Variants in CNGB3 observed in about 807,000 individuals in gnomAD.
CNGB3 encodes cyclic nucleotide gated channel subunit beta 3, also known as cyclic nucleotide-gated channel beta-3.
Under a neutral mutation model 92.8 loss-of-function variants are expected in CNGB3, and 86 were observed. The ratio of observed to expected loss-of-function variants is 0.93; its 90% CI spans 0.78 to 1.11. The LOEUF (loss-of-function observed/expected upper bound fraction) is 1.11. Among genes scored for constraint, CNGB3 ranks in the 50% least tolerant of loss-of-function variants. The probability of loss-of-function intolerance (pLI) is 0.00; values close to 1 mark genes in which losing one functional copy is unlikely to be tolerated. For missense variants in CNGB3, 1,026 were observed against 956.8 expected (o/e 1.07, Z -0.95); for synonymous variants, 333 against 332.7 (o/e 1.00, Z -0.01).
rs148334504 is a variant in CNGB3 at position 86,710,054 on chromosome 8, A to C, written c.338+16477T>G. On this transcript the variant is annotated intron_variant, in intron 3 of 17. Transcript: ENST00000320005. The stretch of plus-strand genomic sequence containing the variant: ...CTCTGGCAAATGAGTTAAGCCCCAT[A>C]CCTTGGTTTGCCAACTCACAAATCT... Among the ~76,000 whole-genome samples the C allele has an allele frequency of 6.8e-4, 103 of 152,262 alleles. 1 individual carries two copies. The highest frequency in any genetic ancestry group is 2.2e-3 in the African/African-American group (90 of 41,548).
intron 6 of CNGB3, among the ~76,000 whole-genome samples, chr8:86,656,850 A>G (rs1231244865): frequency 2.0e-5 from 3 of 151,294 alleles, no homozygotes; most frequent in African/African-American, 7.4e-5. Context: ...ATCAATAAAG[A>G]AGTTTCCCAG....
chr8:86,647,689 T>A, intron 8 of CNGB3, 112 bp downstream of exon 8: 1 of 690,206 alleles, frequency 1.4e-6, no homozygotes, highest in Non-Finnish European at 2.6e-6. Context: ...TTGGGAAAAA[T>A]TAAGAATATT....
intron 3 of CNGB3, among the ~76,000 whole-genome samples, chr8:86,709,634 T>C (rs1385828846): frequency 6.6e-6 from 1 of 152,174 alleles, no homozygotes; most frequent in Non-Finnish European, 1.5e-5. Flanking sequence ...ATTTAAGTTC[T>C]CAGTTTTATG....
Position 86,604,307 on chromosome 8 carries a change from T to C in CNGB3, c.1663-96A>G, listed in dbSNP as rs1822373060. ...ATAAATTCTTTTAGAGGAGTAAATA[T>C]AAATGAAGGAAGCAAAGAACATTAG... On this transcript the variant is annotated intron_variant, in intron 14 of 17. Coordinates refer to ENST00000320005, the MANE Select transcript of CNGB3 (RefSeq NM_019098.5). 4 of 786,332 alleles carry C rather than the reference T, an allele frequency of 5.1e-6. No individual in the cohort carries two copies. The South Asian group carries it at 6.3e-5, about 12-fold the overall frequency. The allele number at this position is 786,332 out of a possible 1,614,324, so 48.7% of individuals were successfully genotyped here. A position where few individuals can be genotyped will look rare whatever the true frequency, so the allele number is the denominator to read the frequency against.
Position 86,628,903 on chromosome 8 carries a change from A to G in CNGB3, c.1480+16T>C. 1 of 1,613,520 alleles carries G rather than the reference A, an allele frequency of 6.2e-7. No individual in the cohort carries two copies. The highest frequency in any genetic ancestry group is 8.5e-7 in the Non-Finnish European group (1 of 1,179,516). On this transcript the variant is annotated intron_variant, in intron 12 of 17. Coordinates refer to ENST00000320005, the MANE Select transcript of CNGB3 (RefSeq NM_019098.5). The stretch of plus-strand genomic sequence containing the variant: ...CAAGGTTTACAGGAATTTAATCGGT[A>G]ATCTGCCATGCTTACCTAGCATTCT...
chr8:86,742,167 G>A (rs1458119), intron 1 of CNGB3, among the ~76,000 whole-genome samples: 1 of 152,012 alleles, frequency 6.6e-6, no homozygotes, highest in East Asian at 1.9e-4. Context: ...AGCTATTAAC[G>A]GTTTTTATGT....
chr8:86,729,759 C>T (rs1825127955), intron 2 of CNGB3, among the ~76,000 whole-genome samples: 2 of 152,272 alleles, frequency 1.3e-5, no homozygotes, highest in South Asian at 2.1e-4. Flanking sequence ...TTGCATCATC[C>T]TCATCATGAA....
At chr8:86,722,237 T>A (rs928383625) in intron 3 of CNGB3, among the ~76,000 whole-genome samples, 3 of 152,156 alleles carry the variant, frequency 2.0e-5, no homozygotes, top group Admixed American at 2.0e-4. Context: ...GCAAAACACA[T>A]CTTCTTTTGC....
chr8:86,719,616 C>T (rs533298638), intron 3 of CNGB3, among the ~76,000 whole-genome samples: 5 of 152,010 alleles, frequency 3.3e-5, no homozygotes, highest in Non-Finnish European at 7.4e-5. Flanking sequence ...AAAATACCAC[C>T]ATCATTCTTC....
chr8:86,694,854 G>C (rs567117953), intron 3 of CNGB3, among the ~76,000 whole-genome samples: 2 of 151,658 alleles, frequency 1.3e-5, no homozygotes, highest in African/African-American at 4.8e-5. Flanking sequence ...CGTCCCAGAC[G>C]ATGGGCGGCC....
intron 15 of CNGB3, among the ~76,000 whole-genome samples, chr8:86,602,867 G>GA (rs1189721608): frequency 6.6e-6 from 1 of 152,106 alleles, no homozygotes; most frequent in Non-Finnish European, 1.5e-5. Flanking sequence ...TTCATATTTA[G>GA]AAAAAGACAT....
chr8:86,694,734 GA>G (rs1292197066), intron 3 of CNGB3, among the ~76,000 whole-genome samples: 1 of 151,760 alleles, frequency 6.6e-6, no homozygotes, highest in East Asian at 2.0e-4. Flanking sequence ...TCACTTCCTA[GA>G]TGGGATGGCG....
At chr8:86,617,158 G>T (rs1393221610) in intron 13 of CNGB3, among the ~76,000 whole-genome samples, 1 of 152,174 alleles carries the variant, frequency 6.6e-6, no homozygotes, top group Non-Finnish European at 1.5e-5. Flanking sequence ...TTAGATGGTG[G>T]TTCTTGTACC....
intron 14 of CNGB3, 71 bp downstream of exon 14, chr8:86,611,517 G>A (rs924653883): frequency 2.4e-6 from 3 of 1,262,386 alleles, no homozygotes; most frequent in Non-Finnish European, 3.5e-6. Flanking sequence ...TTTAAACAAT[G>A]TTCTTGACTT....
Position 86,668,178 on chromosome 8 carries a change from G to GAA in CNGB3, c.494-12_494-11dup, listed in dbSNP as rs36008065. On this transcript the variant is annotated splice_polypyrimidine_tract_variant and intron_variant, in intron 4 of 17. Coordinates refer to ENST00000320005, the MANE Select transcript of CNGB3 (RefSeq NM_019098.5). ...ACAGCCGTGGGCTTTGCTTCATAGG[G>GAA]AAAAAAAAAAAGATGAAACATTTGA... 4,214 of 1,363,048 alleles carry GAA rather than the reference G, an allele frequency of 3.1e-3. 2 individuals are homozygous for GAA. Among genetic ancestry groups the GAA allele is most frequent in the South Asian group, 9.2e-3 (725 of 78,766 alleles). 84.4% of individuals were successfully genotyped at this position (1,363,048 alleles called of 1,614,324 possible). A position where few individuals can be genotyped will look rare whatever the true frequency, so the allele number is the denominator to read the frequency against.
intron 11 of CNGB3, among the ~76,000 whole-genome samples, chr8:86,631,909 G>T (rs1470843306): frequency 6.6e-6 from 1 of 152,180 alleles, no homozygotes; most frequent in East Asian, 1.9e-4. Flanking sequence ...CACGGTTAGA[G>T]ATGGTGGCCA....
intron 3 of CNGB3, among the ~76,000 whole-genome samples, chr8:86,713,587 A>C (rs1023048638): frequency 2.0e-5 from 3 of 152,314 alleles, no homozygotes; most frequent in African/African-American, 7.2e-5. Context: ...ATATTTTAAA[A>C]TCATCCATCC....
Position 86,583,030 on chromosome 8 carries a change from T to TTCAAGTGATTCTCCTGCCTC in CNGB3, c.1782-3779_1782-3778insGAGGCAGGAGAATCACTTGA, listed in dbSNP as rs1554605261. 1.7e-3 allele frequency among the ~76,000 whole-genome samples: 5 copies of TTCAAGTGATTCTCCTGCCTC among 2,986 alleles called. 1 individual carries two copies. Among genetic ancestry groups the TTCAAGTGATTCTCCTGCCTC allele is most frequent in the Non-Finnish European group, 4.1e-3 (5 of 1,232 alleles). The allele number at this position is 2,986 out of a possible 152,430, so 2.0% of individuals were successfully genotyped here. ...GGCTTACTGCAACCTCTGCTTCCTG[T>TTCAAGTGATTCTCCTGCCTC]AGCTGGGATTACAGGTGTCCACCAC... On this transcript the variant is annotated intron_variant, in intron 15 of 17. Coordinates refer to ENST00000320005, the MANE Select transcript of CNGB3 (RefSeq NM_019098.5).
chr8:86,609,990 A>G (rs1319656689), intron 14 of CNGB3, among the ~76,000 whole-genome samples: 1 of 152,138 alleles, frequency 6.6e-6, no homozygotes, highest in Non-Finnish European at 1.5e-5. Context: ...TTTTCCCTTT[A>G]TACAACTTAG....
Sources: gnomAD v4.1 joint callset for allele counts (sites outside exome capture counted in the v4.1 genomes callset) on GRCh38, gnomAD v4.1.1 for gene constraint, MANE v1.5 for transcripts, NCBI Gene and HGNC (gene_info 2026-07-23, HGNC 2026-07-21) for gene names.